RRP1B: variants seen among roughly 807,000 people sequenced by gnomAD.
RRP1B encodes ribosomal RNA processing protein 1 homolog B.
RRP1B carries 56 observed loss-of-function variants against 80.2 expected under a neutral mutation model. The ratio of observed to expected loss-of-function variants is 0.70; its 90% CI spans 0.56 to 0.87. The LOEUF (loss-of-function observed/expected upper bound fraction) is 0.87, where lower values mean the gene tolerates loss of function less well. Ranked by LOEUF, RRP1B falls within the 40% of genes least tolerant of loss-of-function variation. The pLI is 0.00. For synonymous variants in RRP1B, 351 were observed against 357.6 expected (o/e 0.98, Z 0.21); for missense variants, 807 against 939.8 (o/e 0.86, Z 1.85).
At chr21:43,671,811 G>A (rs1271915399) in intron 2 of RRP1B, among the ~76,000 whole-genome samples, 5 of 151,898 alleles carry the variant, frequency 3.3e-5, no homozygotes, top group Non-Finnish European at 5.9e-5. Context: ...TCAGCCTCTC[G>A]AGTAGCTGGA....
intron 1 of RRP1B, among the ~76,000 whole-genome samples, chr21:43,662,147 T>TA (rs1568953025): frequency 2.0e-5 from 3 of 152,216 alleles, no homozygotes; most frequent in Admixed American, 6.5e-5. Context: ...AGGCAATACT[T>TA]ACGGTGCTAA....
intron 8 of RRP1B, among the ~76,000 whole-genome samples, chr21:43,680,988 C>T (rs1163634410): frequency 6.6e-6 from 1 of 152,028 alleles, no homozygotes; most frequent in African/African-American, 2.4e-5. Context: ...GCCTATAATC[C>T]CAGCACTCTG....
chr21:43,690,347 T>G lies in RRP1B; in HGVS notation c.1926T>G (p.Phe642Leu), dbSNP rs995852655. The G allele has an allele frequency of 6.2e-6, 10 of 1,614,088 alleles. No homozygotes were observed. The highest frequency in any genetic ancestry group is 7.6e-6 in the Non-Finnish European group (9 of 1,180,032). ...KKQKLRAESD[F>L]VKFDTPFLPK... ...AGAAGCTGAGGGCAGAGAGCGACTTTGTGAAGTTTGACACCCCCTTCTTAC... is the reference window on the plus strand; with the variant it reads ...AGAAGCTGAGGGCAGAGAGCGACTTGGTGAAGTTTGACACCCCCTTCTTAC... Residue 642 changes from phenylalanine (F) to leucine (L), a missense_variant, in exon 14 of 16, where the codon TTT becomes TTG. Phe to Leu is a conservative substitution (Grantham distance 22). Coordinates refer to ENST00000340648, the MANE Select transcript of RRP1B (RefSeq NM_015056.3).
Position 43,675,155 on chromosome 21 carries a change from G to C in RRP1B, c.541G>C (p.Gly181Arg), listed in dbSNP as rs767138479. 1 of 1,613,918 alleles carries C rather than the reference G, an allele frequency of 6.2e-7. No homozygotes were observed. Among genetic ancestry groups the C allele is most frequent in the Non-Finnish European group, 8.5e-7 (1 of 1,179,974 alleles). The change falls in exon 6 of 16, where the codon GGG (glycine) becomes CGG (arginine). Residue 181 changes from glycine to arginine, a missense_variant. Transcript: ENST00000340648. ...CCTGGATGAACTCTCCAAAGTCGGG[G>C]GGAAGGAGGTAAGCAGCTGCCGACA... ...IYLDELSKVG[G>R]KELLADQNLK...
chr21:43,674,502 TA>T lies in RRP1B; in HGVS notation c.358-133del, dbSNP rs2083013068. 3 of 679,596 alleles carry T rather than the reference TA, an allele frequency of 4.4e-6. No individual in the cohort carries two copies. In the African/African-American group the frequency reaches 5.5e-5, roughly 13 times the overall value. The allele number at this position is 679,596 out of a possible 1,614,324, so 42.1% of individuals were successfully genotyped here. On this transcript the variant is annotated intron_variant, in intron 4 of 15. Transcript: ENST00000340648. Reference sequence around the variant, plus strand: ...AGAAGGTAAATATGACTGTTGTGAATATTTTTTTACTTTTGGGATCCAGGCC... The same window carrying T: ...AGAAGGTAAATATGACTGTTGTGAATTTTTTTTACTTTTGGGATCCAGGCC...
intron 1 of RRP1B, among the ~76,000 whole-genome samples, chr21:43,667,812 T>G (rs1351701161): frequency 1.3e-5 from 2 of 152,246 alleles, no homozygotes; most frequent in African/African-American, 4.8e-5. Flanking sequence ...GAGAACCAGT[T>G]GGTACATCTT....
chr21:43,675,046 T>A lies in RRP1B; in HGVS notation c.432T>A (p.Val144=), dbSNP rs749173566. ...RNGWEESRIK[V]FLDVLMKEVL... Reference sequence around the variant, plus strand: ...TTTGGTTCTTTAGCCGAATCAAGGTTTTCTTGGATGTCCTGATGAAGGAGG... The same window carrying A: ...TTTGGTTCTTTAGCCGAATCAAGGTATTCTTGGATGTCCTGATGAAGGAGG... Residue 144 remains valine (V), a synonymous_variant, in exon 6 of 16, where the codon GTT becomes GTA. Coordinates refer to ENST00000340648, the MANE Select transcript of RRP1B (RefSeq NM_015056.3). 1 of 1,613,996 alleles carries A rather than the reference T, an allele frequency of 6.2e-7. No individual in the cohort carries two copies. The highest frequency in any genetic ancestry group is 8.5e-7 in the Non-Finnish European group (1 of 1,179,944).
In RRP1B at chr21:43,659,885, T is replaced by G; in HGVS notation, c.130+91T>G. 7.6e-7 allele frequency: 1 copy of G among 1,309,926 alleles called. No homozygotes were observed. The highest frequency in any genetic ancestry group is 3.1e-5 in the East Asian group (1 of 32,240). The allele number at this position is 1,309,926 out of a possible 1,614,324, so 81.1% of individuals were successfully genotyped here. A position where few individuals can be genotyped will look rare whatever the true frequency, so the allele number is the denominator to read the frequency against. On this transcript the variant is annotated intron_variant, in intron 1 of 15. Coordinates refer to ENST00000340648, the MANE Select transcript of RRP1B (RefSeq NM_015056.3). The surrounding 1 kb of genome is among the most constrained non-coding windows in gnomAD (Gnocchi z 4.2). ...CAGGGCCCCGGCACGGAATGCGGCT[T>G]CCACGTGTTGTCGTGACACCCAGCG...
At chr21:43,690,081 C>T (rs1243409764) in intron 13 of RRP1B, among the ~76,000 whole-genome samples, 2 of 152,294 alleles carry the variant, frequency 1.3e-5, no homozygotes, top group Admixed American at 6.5e-5. Context: ...CCCCTCTTGG[C>T]ATGGTGCCAT....
At chr21:43,663,084 A>C (rs904601975) in intron 1 of RRP1B, among the ~76,000 whole-genome samples, 1 of 152,238 alleles carries the variant, frequency 6.6e-6, no homozygotes, top group Non-Finnish European at 1.5e-5. Context: ...CAAGAGTTAT[A>C]ATAAATAGAA....
intron 1 of RRP1B, among the ~76,000 whole-genome samples, chr21:43,666,981 C>T (rs1299364597): frequency 1.3e-5 from 2 of 151,942 alleles, no homozygotes; most frequent in East Asian, 1.9e-4. Flanking sequence ...TACCATGTTC[C>T]TCTGTCCCCT....
chr21:43,683,852 G>A (rs555899701), intron 9 of RRP1B, among the ~76,000 whole-genome samples: 21 of 151,492 alleles, frequency 1.4e-4, no homozygotes, highest in African/African-American at 4.8e-4. Flanking sequence ...CGTGGCGCAC[G>A]CCTGTAATCC....
intron 8 of RRP1B, among the ~76,000 whole-genome samples, chr21:43,677,863 A>T (rs2083028636): frequency 6.6e-6 from 1 of 152,206 alleles, no homozygotes; most frequent in Admixed American, 6.5e-5. Flanking sequence ...GCTGAGTAGT[A>T]TTCACGGTGT....
chr21:43,691,385 C>T lies in RRP1B; in HGVS notation c.2020-54C>T, dbSNP rs2083085568. ...GGTTCTCCAGAAAAATCTGACTAAG[C>T]GCCTCCACTGCACTTGCGTCACTCC... On this transcript the variant is annotated intron_variant, in intron 14 of 15. Transcript: ENST00000340648. The surrounding 1 kb of genome is among the most constrained non-coding windows in gnomAD (Gnocchi z 4.2). 1.2e-5 allele frequency: 19 copies of T among 1,553,222 alleles called. No individual in the cohort carries two copies. Among genetic ancestry groups the T allele is most frequent in the South Asian group, 9.0e-5 (8 of 89,384 alleles).
intron 11 of RRP1B, chr21:43,686,097 G>T (rs1423090843): frequency 9.0e-6 from 2 of 222,596 alleles, no homozygotes; most frequent in Non-Finnish European, 1.7e-5. Flanking sequence ...CTCCAGCCTG[G>T]GTGACACAAC....
chr21:43,683,520 A>C, intron 9 of RRP1B, 147 bp downstream of exon 9: 2 of 613,764 alleles, frequency 3.3e-6, no homozygotes, highest in South Asian at 4.2e-5. Flanking sequence ...CACCTTCTGA[A>C]GAATAACCTT....
intron 11 of RRP1B, 21 bp from the exon 12 acceptor site, chr21:43,686,781 CAG>C (rs1833000371): frequency 6.2e-7 from 1 of 1,613,390 alleles, no homozygotes; most frequent in African/African-American, 1.3e-5. Flanking sequence ...GGGAAGCTAA[CAG>C]TGTGTCACTC....
rs750840526 is a variant in RRP1B at position 43,673,938 on chromosome 21, C to A, written c.340C>A (p.Leu114Met). The change falls in exon 4 of 16, where the codon CTG (leucine) becomes ATG (methionine). Residue 114 changes from leucine (L) to methionine (M), a missense_variant. Physicochemically the swap from Leu to Met is conservative, Grantham distance 15. Coordinates refer to ENST00000340648, the MANE Select transcript of RRP1B (RefSeq NM_015056.3). ...ATGGAAAGGAATAGACAGGCTACGCCTGGACAAATACTATATGGTAAGATC... is the reference window on the plus strand; with the variant it reads ...ATGGAAAGGAATAGACAGGCTACGCATGGACAAATACTATATGGTAAGATC... ...REWKGIDRLR[L>M]DKYYMLIRLV... The A allele has an allele frequency of 6.2e-7, 1 of 1,612,390 alleles. No individual in the cohort carries two copies. The highest frequency in any genetic ancestry group is 8.5e-7 in the Non-Finnish European group (1 of 1,178,952).
chr21:43,687,382 C>T, intron 12 of RRP1B, 134 bp from the exon 13 acceptor site: 1 of 1,060,726 alleles, frequency 9.4e-7, no homozygotes, highest in Non-Finnish European at 1.3e-6. Context: ...CCAAGTACCT[C>T]AAGGGAGACA....
Sources: gnomAD v4.1 joint callset for allele counts (sites outside exome capture counted in the v4.1 genomes callset) on GRCh38, gnomAD v4.1.1 for gene constraint, Gnocchi (gnomAD v3.1) non-coding constraint, MANE v1.5 for transcripts, NCBI Gene and HGNC (gene_info 2026-07-23, HGNC 2026-07-21) for gene names.